The following GPR37 variants were observed in gnomAD, a reference collection of about 807,000 sequenced individuals.
GPR37 encodes the protein G protein-coupled receptor 37, also known as prosaposin receptor GPR37.
Under a neutral mutation model 43.6 loss-of-function variants are expected in GPR37, and 20 were observed. That is an observed-to-expected ratio of 0.46 (90% CI 0.32 to 0.67). The LOEUF is 0.67. GPR37 is among the 30% of genes least tolerant of loss of function. GPR37 has a pLI of 0.03. For synonymous variants in GPR37, 315 were observed against 322.6 expected, an observed-to-expected ratio of 0.98 and a Z score of 0.25; for missense variants, 724 against 797.2, an observed-to-expected ratio of 0.91 and a Z score of 1.11.
At chr7:124,760,422 C>CT (rs910771951) in intron 1 of GPR37, among the ~76,000 whole-genome samples, 7 of 152,224 alleles carry the variant, frequency 4.6e-5, no homozygotes, top group Non-Finnish European at 8.8e-5. Context: ...ACCTATATAA[C>CT]TTTTTGGTCA....
rs369730075 is a variant in GPR37 at position 124,764,399 on chromosome 7, T to C, written c.578A>G (p.His193Arg). The C allele has an allele frequency of 3.7e-6, 6 of 1,613,456 alleles. No individual in the cohort carries two copies. The African/African-American group carries it at 8.0e-5, about 22-fold the overall frequency. Reference sequence around the variant, plus strand: ...GGCCGTCTTGGACAGGGGCTTGTGGTGGGAACCCTGGAGTTTCCCGGCTCT... The same window carrying C: ...GGCCGTCTTGGACAGGGGCTTGTGGCGGGAACCCTGGAGTTTCCCGGCTCT... ...PRRAGKLQGSHHKPLSKTANG... is the reference protein window; with the variant it reads ...PRRAGKLQGSRHKPLSKTANG... The change falls in exon 1 of 2, where the codon CAC (histidine) becomes CGC (arginine). Residue 193 changes from histidine to arginine, a missense_variant. Coordinates refer to ENST00000303921, the MANE Select transcript of GPR37 (RefSeq NM_005302.5). This position sits in a 1 kb window ranked among gnomAD's most constrained non-coding sequence, Gnocchi z 5.4.
intron 1 of GPR37, 64 bp from the exon 2 acceptor site, chr7:124,747,407 T>C: frequency 9.7e-7 from 1 of 1,026,410 alleles, no homozygotes. Flanking sequence ...CACTAGGAAA[T>C]AAATGCAGAT....
At chr7:124,762,966 T>C (rs181457757) in intron 1 of GPR37, among the ~76,000 whole-genome samples, 1 of 152,188 alleles carries the variant, frequency 6.6e-6, no homozygotes, top group East Asian at 1.9e-4. Flanking sequence ...AAAACACAAC[T>C]GGCAGCAAAA....
In GPR37 at chr7:124,746,834, G is replaced by C; in HGVS notation, c.1533C>G (p.Cys511Trp). 6.2e-7 allele frequency: 1 copy of C among 1,614,068 alleles called. No homozygotes were observed. Among genetic ancestry groups the C allele is most frequent in the East Asian group, 2.2e-5 (1 of 44,874 alleles). ...YGFCIIPENI[C>W]NIVTAYMATG... ...TAGCCATGTAGGCAGTAACAATGTT[G>C]CAGATATTTTCAGGAATAATGCAAA... The change falls in exon 2 of 2, where the codon TGC becomes TGG. Residue 511 changes from cysteine (C) to tryptophan (W), a missense_variant. Transcript: ENST00000303921.
At chr7:124,756,866 G>C (rs1183761114) in intron 1 of GPR37, among the ~76,000 whole-genome samples, 4 of 152,186 alleles carry the variant, frequency 2.6e-5, no homozygotes, top group Non-Finnish European at 4.4e-5. Flanking sequence ...TGTAAAAATT[G>C]TATCAAGGTC....
rs1482923880 is a variant in GPR37 at position 124,746,925 on chromosome 7, T to G, written c.1442A>C (p.Lys481Thr). 6.2e-7 allele frequency: 1 copy of G among 1,613,962 alleles called. No homozygotes were observed. Among genetic ancestry groups the G allele is most frequent in the Non-Finnish European group, 8.5e-7 (1 of 1,179,974 alleles). The change falls in exon 2 of 2, where the codon AAA becomes ACA. Residue 481 changes from lysine to threonine, a missense_variant. By Grantham distance (78) the Lys-to-Thr change is moderately conservative (BLOSUM62 -1). This residue lies in a region of GPR37 where 342 missense variants were observed against 441.8 expected (regional missense o/e 0.77). Coordinates refer to ENST00000303921, the MANE Select transcript of GPR37 (RefSeq NM_005302.5). ...CTGACTCTCTAGTTGAATCTGCCGTTTATTCCCTCGGGTACAGGCTTTCTC... is the reference window on the plus strand; with the variant it reads ...CTGACTCTCTAGTTGAATCTGCCGTGTATTCCCTCGGGTACAGGCTTTCTC... ...KAEKACTRGNKRQIQLESQMN... is the reference protein window; with the variant it reads ...KAEKACTRGNTRQIQLESQMN...
intron 1 of GPR37, among the ~76,000 whole-genome samples, chr7:124,763,347 C>G (rs1023246986): frequency 6.6e-6 from 1 of 151,938 alleles, no homozygotes; most frequent in Non-Finnish European, 1.5e-5. Flanking sequence ...CAAAAAATGA[C>G]TTAAGAATTT....
In GPR37 at chr7:124,747,129, C is replaced by G. The variant is rs531412697; in HGVS notation, c.1238G>C (p.Arg413Pro). 101 of 1,613,812 alleles carry G rather than the reference C, an allele frequency of 6.3e-5. No homozygotes were observed. Among genetic ancestry groups the G allele is most frequent in the Admixed American group, 1.5e-4 (9 of 59,984 alleles). Residue 413 changes from arginine to proline, a missense_variant, in exon 2 of 2, where the codon CGA becomes CCA. Transcript: ENST00000303921. ...LSKEDLGFSG[R>P]APAERCIIKI... ...AATAATGCACCTTTCTGCCGGAGCT[C>G]GGCCACTAAACCCCAAATCCTCCTT... is the stretch of plus-strand genomic sequence containing the variant.
At chr7:124,751,018 T>A (rs1175811232) in intron 1 of GPR37, among the ~76,000 whole-genome samples, 1 of 152,134 alleles carries the variant, frequency 6.6e-6, no homozygotes, top group Non-Finnish European at 1.5e-5. Flanking sequence ...TTTTGATAAA[T>A]CATGAATTAA....
In GPR37 at chr7:124,763,898, C is replaced by T. The variant is rs1380447413; in HGVS notation, c.1023+56G>A. 3.3e-6 allele frequency: 5 copies of T among 1,505,076 alleles called. 1 individual carries two copies. In the South Asian group the frequency reaches 4.6e-5, roughly 14 times the overall value. 93.2% of individuals were successfully genotyped at this position (1,505,076 alleles called of 1,614,324 possible). On this transcript the variant is annotated intron_variant, in intron 1 of 1. Transcript: ENST00000303921. The stretch of plus-strand genomic sequence containing the variant: ...TGCATCCAGCAGCAGTTCTCTGATG[C>T]TATAATCCCGAAAACAGATAAAGCC...
At chr7:124,752,486 A>G (rs1184115730) in intron 1 of GPR37, among the ~76,000 whole-genome samples, 1 of 152,154 alleles carries the variant, frequency 6.6e-6, no homozygotes, top group East Asian at 1.9e-4. Flanking sequence ...ACAGTCTACT[A>G]GGCAGAGAGG....
Position 124,764,814 on chromosome 7 carries a change from C to T in GPR37, c.163G>A (p.Asp55Asn). ...APTVIQRRGRDAWGPGNSARD... is the reference protein window; with the variant it reads ...APTVIQRRGRNAWGPGNSARD... The stretch of plus-strand genomic sequence containing the variant: ...GCAGAATTTCCCGGTCCCCAGGCGT[C>T]CCTGCCGCGGCGCTGGATCACTGTA... Residue 55 changes from aspartate (D) to asparagine (N), a missense_variant, in exon 1 of 2, where the codon GAC (aspartate) becomes AAC (asparagine). This residue lies in a region of GPR37 where 382 missense variants were observed against 355.4 expected (regional missense o/e 1.07). Coordinates refer to ENST00000303921, the MANE Select transcript of GPR37 (RefSeq NM_005302.5). The surrounding 1 kb of genome is among the most constrained non-coding windows in gnomAD (Gnocchi z 5.4). 6.2e-7 allele frequency: 1 copy of T among 1,613,696 alleles called. No homozygotes were observed. The highest frequency in any genetic ancestry group is 8.5e-7 in the Non-Finnish European group (1 of 1,180,018).
In GPR37 at chr7:124,764,912, A is replaced by G; in HGVS notation, c.65T>C (p.Val22Ala). 1 of 1,580,594 alleles carries G rather than the reference A, an allele frequency of 6.3e-7. No individual in the cohort carries two copies. ...GACCCCGAGGGCAGAAGAGGCAGACACCTTGAGCAGTAGCAGAAGCAGTAG... is the reference window on the plus strand; with the variant it reads ...GACCCCGAGGGCAGAAGAGGCAGACGCCTTGAGCAGTAGCAGAAGCAGTAG... ...SRLLLLLLLK[V>A]SASSALGVAP... The change falls in exon 1 of 2, where the codon GTG (valine) becomes GCG (alanine). Residue 22 changes from valine (V) to alanine (A), a missense_variant. Transcript: ENST00000303921. This position sits in a 1 kb window ranked among gnomAD's most constrained non-coding sequence, Gnocchi z 5.4.
Position 124,744,519 on chromosome 7 carries a change from G to A in GPR37, c.*2006C>T, listed in dbSNP as rs1397046160. ...TAAATTAGCTCTCTCCTCCTGAAGT[G>A]TCCACTCCTCACACCATCTTTCATC... On this transcript the variant is annotated 3_prime_UTR_variant, in exon 2 of 2. Transcript: ENST00000303921. 6.6e-6 allele frequency: 1 copy of A among 152,104 alleles called. No individual in the cohort carries two copies. The highest frequency in any genetic ancestry group is 2.1e-4 in the South Asian group (1 of 4,828). 9.4% of individuals were successfully genotyped at this position (152,104 alleles called of 1,614,324 possible). A position where few individuals can be genotyped will look rare whatever the true frequency, so the allele number is the denominator to read the frequency against.
intron 1 of GPR37, among the ~76,000 whole-genome samples, 158 bp from the exon 2 acceptor site, chr7:124,747,501 T>C (rs531220126): frequency 2.5e-4 from 38 of 152,176 alleles, no homozygotes; most frequent in Admixed American, 1.1e-3. Context: ...CATGGGTAAC[T>C]GGGCTCAGGA....
intron 1 of GPR37, among the ~76,000 whole-genome samples, chr7:124,752,352 A>T (rs1443979274): frequency 6.6e-6 from 1 of 152,176 alleles, no homozygotes; most frequent in Non-Finnish European, 1.5e-5. Flanking sequence ...GCTGCTGGGA[A>T]CAATGATGAA....
rs1793884116 is a variant in GPR37 at position 124,764,189 on chromosome 7, G to A, written c.788C>T (p.Ala263Val). Residue 263 changes from alanine to valine, a missense_variant, in exon 1 of 2, where the codon GCG becomes GTG. This residue lies in a region of GPR37 where 382 missense variants were observed against 355.4 expected (regional missense o/e 1.07). Transcript: ENST00000303921. This position sits in a 1 kb window ranked among gnomAD's most constrained non-coding sequence, Gnocchi z 5.4. ...GATCACCACGGACAGACACATGACC[G>A]CGTAGGCTCCATAGGACTCCTGGGT... ...PLTQESYGAYAVMCLSVVIFG... is the reference protein window; with the variant it reads ...PLTQESYGAYVVMCLSVVIFG... 2 of 1,594,624 alleles carry A rather than the reference G, an allele frequency of 1.3e-6. No individual in the cohort carries two copies.
At position 124,747,224 on chromosome 7, in the gene GPR37, G is replaced by A; in HGVS notation, c.1143C>T (p.Ala381=). ...EMIENCSSTT[A]KLAVIWVGAL... Reference sequence around the variant, plus strand: ...CTCCCACCCATATAACAGCAAGTTTGGCAGTTGTTGAGGAACAGTTTTCGA... The same window carrying A: ...CTCCCACCCATATAACAGCAAGTTTAGCAGTTGTTGAGGAACAGTTTTCGA... Residue 381 remains alanine, a synonymous_variant, in exon 2 of 2, where the codon GCC becomes GCT. Transcript: ENST00000303921. 6.2e-7 allele frequency: 1 copy of A among 1,613,852 alleles called. No homozygotes were observed. The highest frequency in any genetic ancestry group is 1.1e-5 in the South Asian group (1 of 91,070).
intron 1 of GPR37, among the ~76,000 whole-genome samples, chr7:124,763,475 A>T (rs1171206022): frequency 6.6e-6 from 1 of 151,990 alleles, no homozygotes; most frequent in Non-Finnish European, 1.5e-5. Flanking sequence ...ATAAAATGTT[A>T]CTCCAACTTT....
Sources: allele counts gnomAD v4.1 joint callset (sites outside exome capture counted in the v4.1 genomes callset), GRCh38; gene constraint gnomAD v4.1.1; regional missense constraint gnomAD v4.1.1; non-coding constraint Gnocchi (gnomAD v3.1); transcripts MANE v1.5; gene names NCBI Gene and HGNC (gene_info 2026-07-23, HGNC 2026-07-21).